The following GCSAM variants were observed in gnomAD, a reference collection of about 807,000 sequenced individuals.
GCSAM encodes germinal center-associated signaling and motility protein.
In GCSAM, 8 loss-of-function variants were observed where a neutral mutation model predicts 17.6. That is an observed-to-expected ratio of 0.46 (90% CI 0.27 to 0.82). The LOEUF (loss-of-function observed/expected upper bound fraction) is 0.82, where lower values mean the gene tolerates loss of function less well. Ranked by LOEUF, GCSAM falls within the 40% of genes least tolerant of loss-of-function variation. GCSAM has a pLI of 0.15. For missense variants in GCSAM, 192 were observed against 213.5 expected (o/e 0.90, Z 0.63); for synonymous variants, 68 against 69.0 (o/e 0.98, Z 0.07).
chr3:112,128,591 C>A (rs569973883), intron 2 of GCSAM: 22 of 220,388 alleles, frequency 1.0e-4, no homozygotes, highest in African/African-American at 4.6e-4. Flanking sequence ...CAGTCTATGA[C>A]ACAACATCTG....
At position 112,133,150 on chromosome 3, in the gene GCSAM, G is replaced by A. The variant is rs76741797; in HGVS notation, c.-30C>T. Reference sequence around the variant, plus strand: ...TCAGTCCTCTCAGGGCTTCCCCTCCGTCCCTTTACCACTTCCTTCTTGCCT... The same window carrying A: ...TCAGTCCTCTCAGGGCTTCCCCTCCATCCCTTTACCACTTCCTTCTTGCCT... On this transcript the variant is annotated 5_prime_UTR_variant, in exon 1 of 6. The change creates a new upstream start codon in the 5' untranslated region. Coordinates refer to ENST00000308910, the MANE Select transcript of GCSAM (RefSeq NM_152785.5). 0.029 allele frequency: 46,964 copies of A among 1,611,852 alleles called. 870 individuals are homozygous for A. The highest frequency in any genetic ancestry group is 0.063 in the South Asian group (5,706 of 90,982).
chr3:112,130,596 C>A, intron 1 of GCSAM, 83 bp from the exon 2 acceptor site: 7 of 1,197,728 alleles, frequency 5.8e-6, no homozygotes, highest in South Asian at 1.2e-5. Flanking sequence ...CGACTTTCCT[C>A]ATTTCTGCTA....
chr3:112,133,135 C>T lies in GCSAM; in HGVS notation c.-15G>A, dbSNP rs758039449. 1 of 1,613,858 alleles carries T rather than the reference C, an allele frequency of 6.2e-7. No individual in the cohort carries two copies. The highest frequency in any genetic ancestry group is 8.5e-7 in the Non-Finnish European group (1 of 1,179,700). On this transcript the variant is annotated 5_prime_UTR_variant, in exon 1 of 6. Coordinates refer to ENST00000308910, the MANE Select transcript of GCSAM (RefSeq NM_152785.5). ...GAATTTCCCATCCTCTCAGTCCTCTCAGGGCTTCCCCTCCGTCCCTTTACC... is the reference window on the plus strand; with the variant it reads ...GAATTTCCCATCCTCTCAGTCCTCTTAGGGCTTCCCCTCCGTCCCTTTACC...
intron 5 of GCSAM, among the ~76,000 whole-genome samples, 177 bp downstream of exon 5, chr3:112,125,049 G>C (rs374827496): frequency 6.6e-6 from 1 of 152,164 alleles, no homozygotes; most frequent in Non-Finnish European, 1.5e-5. Context: ...AGCAGAAGTG[G>C]CTGCTGCTTC....
chr3:112,132,281 T>C (rs753665689), intron 1 of GCSAM, among the ~76,000 whole-genome samples: 2 of 152,020 alleles, frequency 1.3e-5, no homozygotes, highest in Non-Finnish European at 2.9e-5. Flanking sequence ...TGTTCCACTC[T>C]CCAGTAGCAT....
Position 112,130,529 on chromosome 3 carries a change from T to C in GCSAM, c.30-16A>G, listed in dbSNP as rs1169551556. Reference sequence around the variant, plus strand: ...CTGCTGCCGCCTGAAACTCAACATATCAGAAACAGGCTAAGTATTTCCTAA... The same window carrying C: ...CTGCTGCCGCCTGAAACTCAACATACCAGAAACAGGCTAAGTATTTCCTAA... On this transcript the variant is annotated splice_polypyrimidine_tract_variant and intron_variant, in intron 1 of 5. Transcript: ENST00000308910. 3.1e-6 allele frequency: 5 copies of C among 1,611,568 alleles called. No individual in the cohort carries two copies. Among genetic ancestry groups the C allele is most frequent in the Non-Finnish European group, 4.2e-6 (5 of 1,177,770 alleles).
intron 1 of GCSAM, chr3:112,132,842 G>A: frequency 4.3e-6 from 2 of 464,960 alleles, no homozygotes; most frequent in Non-Finnish European, 3.6e-6. Flanking sequence ...ACCTTCCTTG[G>A]TAAAGTCTTT....
At chr3:112,124,258 G>C (rs992302088) in intron 5 of GCSAM, among the ~76,000 whole-genome samples, 2 of 152,128 alleles carry the variant, frequency 1.3e-5, no homozygotes, top group African/African-American at 4.8e-5. Context: ...AGTGGACTAA[G>C]ACACTACCCA....
rs748986824 is a variant in GCSAM at position 112,130,449 on chromosome 3, A to G, written c.94T>C (p.Ser32Pro). Residue 32 changes from serine (S) to proline (P), a missense_variant, in exon 2 of 6, where the codon TCC (serine) becomes CCC (proline). By Grantham distance (74) the Ser-to-Pro change is moderately conservative. Coordinates refer to ENST00000308910, the MANE Select transcript of GCSAM (RefSeq NM_152785.5). ...VRMQSPKQRT[S>P]RCWDHHIAEG... The stretch of plus-strand genomic sequence containing the variant: ...TTTGGTTGATTTTGCTCTCACCTGG[A>G]TGTTCTCTGTTTGGGGCTTTGCATT... The G allele has an allele frequency of 8.1e-6, 13 of 1,613,742 alleles. 1 individual carries two copies. Among genetic ancestry groups the G allele is most frequent in the South Asian group, 7.7e-5 (7 of 91,070 alleles).
intron 5 of GCSAM, among the ~76,000 whole-genome samples, chr3:112,124,558 A>C (rs760319629): frequency 1.3e-5 from 2 of 152,198 alleles, no homozygotes; most frequent in African/African-American, 2.4e-5. Flanking sequence ...CAGTGAGCTG[A>C]GATCGTGCCA....
intron 4 of GCSAM, among the ~76,000 whole-genome samples, chr3:112,126,157 C>G (rs915882471): frequency 2.6e-5 from 4 of 152,130 alleles, no homozygotes; most frequent in African/African-American, 9.7e-5. Flanking sequence ...ACGTTTTGCT[C>G]TGATGGAAAT....
In GCSAM at chr3:112,121,712, A is replaced by G. The variant is rs2074203957; in HGVS notation, c.*1743T>C. The G allele has an allele frequency of 6.6e-6, 1 of 152,236 alleles. No homozygotes were observed. The highest frequency in any genetic ancestry group is 1.5e-5 in the Non-Finnish European group (1 of 68,044). 9.4% of individuals were successfully genotyped at this position (152,236 alleles called of 1,614,324 possible). Reference sequence around the variant, plus strand: ...GTAGGAAGTTAGCAGAGGAAGAGATACCAAGATGCAGCTGGCTCTTTAGCT... The same window carrying G: ...GTAGGAAGTTAGCAGAGGAAGAGATGCCAAGATGCAGCTGGCTCTTTAGCT... On this transcript the variant is annotated 3_prime_UTR_variant, in exon 6 of 6. Coordinates refer to ENST00000308910, the MANE Select transcript of GCSAM (RefSeq NM_152785.5).
chr3:112,125,088 A>T (rs2074285320), intron 5 of GCSAM, 138 bp downstream of exon 5: 1 of 681,806 alleles, frequency 1.5e-6, no homozygotes, highest in Admixed American at 2.3e-5. Flanking sequence ...CTGCCACCCG[A>T]GTTCACAAGC....
chr3:112,130,838 T>G (rs2074435915), intron 1 of GCSAM: 1 of 353,958 alleles, frequency 2.8e-6, no homozygotes, highest in Non-Finnish European at 5.4e-6. Context: ...AGGCCTGAGG[T>G]CCTCAGCTAC....
intron 1 of GCSAM, among the ~76,000 whole-genome samples, chr3:112,131,424 CAATG>C (rs1398092499): frequency 6.6e-6 from 1 of 152,072 alleles, no homozygotes; most frequent in African/African-American, 2.4e-5. Flanking sequence ...GTTGGGGTGA[CAATG>C]AAAATTAGAT....
In GCSAM at chr3:112,133,155, T is replaced by A; in HGVS notation, c.-35A>T. On this transcript the variant is annotated 5_prime_UTR_variant, in exon 1 of 6. In the 5' UTR this introduces an upstream ATG that the reference lacks. Coordinates refer to ENST00000308910, the MANE Select transcript of GCSAM (RefSeq NM_152785.5). Reference sequence around the variant, plus strand: ...CCTCTCAGGGCTTCCCCTCCGTCCCTTTACCACTTCCTTCTTGCCTTGTGC... The same window carrying A: ...CCTCTCAGGGCTTCCCCTCCGTCCCATTACCACTTCCTTCTTGCCTTGTGC... 6.2e-7 allele frequency: 1 copy of A among 1,612,634 alleles called. No homozygotes were observed. Among genetic ancestry groups the A allele is most frequent in the South Asian group, 1.1e-5 (1 of 91,032 alleles).
chr3:112,127,905 G>C, intron 3 of GCSAM, 112 bp downstream of exon 3: 1 of 809,970 alleles, frequency 1.2e-6, no homozygotes, highest in Non-Finnish European at 2.1e-6. Context: ...ATTGTATCTG[G>C]GCTACTGACA....
chr3:112,128,172 C>T (rs771310830), intron 2 of GCSAM, 111 bp from the exon 3 acceptor site: 3 of 884,358 alleles, frequency 3.4e-6, no homozygotes, highest in South Asian at 1.4e-5. Context: ...TCCCCGCAAG[C>T]GTGTTTCATT....
At chr3:112,130,675 C>T (rs964409473) in intron 1 of GCSAM, 162 bp from the exon 2 acceptor site, 13 of 655,728 alleles carry the variant, frequency 2.0e-5, no homozygotes, top group South Asian at 1.7e-4. Flanking sequence ...AAGCACATGT[C>T]GCAAGCTACC....
Sources: allele counts gnomAD v4.1 joint callset (sites outside exome capture counted in the v4.1 genomes callset), GRCh38; gene constraint gnomAD v4.1.1; transcripts MANE v1.5; gene names NCBI Gene and HGNC (gene_info 2026-07-23, HGNC 2026-07-21).